The following FHAD1 variants were observed in gnomAD, a reference collection of about 807,000 sequenced individuals.
FHAD1 encodes forkhead-associated domain-containing protein 1.
In FHAD1, 146 loss-of-function variants were observed where a neutral mutation model predicts 191.3. The ratio of observed to expected loss-of-function variants is 0.76; its 90% CI spans 0.67 to 0.88. The LOEUF (loss-of-function observed/expected upper bound fraction) is 0.88. Ranked by LOEUF, FHAD1 falls within the 40% of genes least tolerant of loss-of-function variation. FHAD1 has a pLI of 0.00. For missense variants in FHAD1, 1,635 were observed against 1,785.8 expected, an observed-to-expected ratio of 0.92 and a Z score of 1.52; for synonymous variants, 616 against 672.3, an observed-to-expected ratio of 0.92 and a Z score of 1.29.
In FHAD1 at chr1:15,333,824, CTTTTTTTT is replaced by C. The variant is rs55698715; in HGVS notation, c.1906+4302_1906+4309del. 1.1e-3 allele frequency among the ~76,000 whole-genome samples: 69 copies of C among 64,812 alleles called. 1 individual carries two copies. The highest frequency in any genetic ancestry group is 3.9e-3 in the South Asian group (5 of 1,294). The allele number at this position is 64,812 out of a possible 152,430, so 42.5% of individuals were successfully genotyped here. Reference sequence around the variant, plus strand: ...TGATTACCATCTTTATTTTATTTATCTTTTTTTTTTTTTTTTTTTTTTTTTTGAGTAAA... The same window carrying C: ...TGATTACCATCTTTATTTTATTTATCTTTTTTTTTTTTTTTTTTGAGTAAA... On this transcript the variant is annotated intron_variant, in intron 14 of 33. Coordinates refer to ENST00000688493, the MANE Select transcript of FHAD1 (RefSeq NM_001391957.1).
intron 26 of FHAD1, among the ~76,000 whole-genome samples, chr1:15,372,547 C>G (rs1698419623): frequency 6.6e-6 from 1 of 152,172 alleles, no homozygotes; most frequent in South Asian, 2.1e-4. Flanking sequence ...CTGCCTGCTC[C>G]CTGATCTCAC....
At chr1:15,385,868 G>C (rs1371634573) in intron 31 of FHAD1, among the ~76,000 whole-genome samples, 2 of 152,230 alleles carry the variant, frequency 1.3e-5, no homozygotes, top group African/African-American at 4.8e-5. Context: ...CCTCAGTGCT[G>C]GTCATTCACA....
At chr1:15,269,038 A>C (rs6679212) in intron 2 of FHAD1, among the ~76,000 whole-genome samples, 13,155 of 152,022 alleles carry the variant, frequency 0.087, 1,152 homozygotes, top group East Asian at 0.25. Context: ...TTCATGTCTG[A>C]TATCAATAAT....
intron 28 of FHAD1, among the ~76,000 whole-genome samples, chr1:15,378,745 G>T (rs1700217188): frequency 6.6e-6 from 1 of 151,994 alleles, no homozygotes; most frequent in Non-Finnish European, 1.5e-5. Flanking sequence ...TTTGTGAATG[G>T]GTTTTTTGTT....
In FHAD1 at chr1:15,369,510, C is replaced by A. The variant is rs1192934068; in HGVS notation, c.3447+8C>A. 33 of 1,551,530 alleles carry A rather than the reference C, an allele frequency of 2.1e-5. No individual in the cohort carries two copies. Among genetic ancestry groups the A allele is most frequent in the Non-Finnish European group, 2.8e-5 (32 of 1,146,972 alleles). ...TTCTCCAGCAGCCAAGAGGTGAGTG[C>A]CACCCACTCCTGGGTACTGGAAGGA... On this transcript the variant is annotated splice_region_variant and intron_variant, in intron 26 of 33. Transcript: ENST00000688493.
In FHAD1 at chr1:15,369,402, A is replaced by T. The variant is rs1466633428; in HGVS notation, c.3347A>T (p.Asn1116Ile). ...CAAGAGAAACACAGACTCCAGCTGAACACAGAGAAGGAACAGAAGCCCCGG... is the reference window on the plus strand; with the variant it reads ...CAAGAGAAACACAGACTCCAGCTGATCACAGAGAAGGAACAGAAGCCCCGG... ...ASQEKHRLQL[N>I]TEKEQKPRKK... is the part of the protein sequence containing the mutation. Residue 1116 changes from asparagine to isoleucine, a missense_variant, in exon 26 of 34, where the codon AAC (asparagine) becomes ATC (isoleucine). Physicochemically the swap from Asn to Ile is moderately radical, Grantham distance 149. Coordinates refer to ENST00000688493, the MANE Select transcript of FHAD1 (RefSeq NM_001391957.1). The T allele has an allele frequency of 6.4e-7, 1 of 1,552,022 alleles. No individual in the cohort carries two copies. The highest frequency in any genetic ancestry group is 1.4e-5 in the African/African-American group (1 of 73,174).
At chr1:15,347,695 T>C (rs566556576) in intron 18 of FHAD1, among the ~76,000 whole-genome samples, 2 of 152,326 alleles carry the variant, frequency 1.3e-5, no homozygotes, top group East Asian at 3.9e-4. Context: ...GTGATCTGCC[T>C]GCCTTGGCCT....
chr1:15,294,074 C>A (rs1358094739), intron 4 of FHAD1, among the ~76,000 whole-genome samples: 8 of 152,188 alleles, frequency 5.3e-5, no homozygotes. Context: ...GGGCTTCCAT[C>A]TTCCTGTAGT....
At chr1:15,320,129 A>T (rs1675792883) in intron 10 of FHAD1, among the ~76,000 whole-genome samples, 1 of 152,104 alleles carries the variant, frequency 6.6e-6, no homozygotes, top group Non-Finnish European at 1.5e-5. Context: ...TATGCAGCTT[A>T]TTTCCTAATT....
chr1:15,367,526 G>T lies in FHAD1; in HGVS notation c.3218G>T (p.Ser1073Ile). The change falls in exon 25 of 34, where the codon AGC becomes ATC. Residue 1073 changes from serine to isoleucine, a missense_variant. Coordinates refer to ENST00000688493, the MANE Select transcript of FHAD1 (RefSeq NM_001391957.1). ...EQNVVLVQQQSKELSVLKEKM... is the reference protein window; with the variant it reads ...EQNVVLVQQQIKELSVLKEKM... ...AACGTGGTGCTGGTCCAGCAGCAGAGCAAGGAGCTGAGTGTGCTCAAGGAG... is the reference window on the plus strand; with the variant it reads ...AACGTGGTGCTGGTCCAGCAGCAGATCAAGGAGCTGAGTGTGCTCAAGGAG... The T allele has an allele frequency of 6.5e-7, 1 of 1,549,920 alleles. No individual in the cohort carries two copies. Among genetic ancestry groups the T allele is most frequent in the Non-Finnish European group, 8.7e-7 (1 of 1,146,288 alleles).
chr1:15,383,093 C>A (rs1267674475), intron 31 of FHAD1: 2 of 471,652 alleles, frequency 4.2e-6, no homozygotes, highest in Non-Finnish European at 8.8e-6. Context: ...AATCCCCGCA[C>A]TTATTAACTG....
At chr1:15,375,180 T>C (rs1037315399) in intron 27 of FHAD1, among the ~76,000 whole-genome samples, 1 of 152,190 alleles carries the variant, frequency 6.6e-6, no homozygotes, top group Admixed American at 6.5e-5. Context: ...TCATGGTGGC[T>C]GGGTGAGAAC....
chr1:15,362,566 A>G (rs1695150775), intron 22 of FHAD1, 76 bp from the exon 23 acceptor site: 3 of 1,222,976 alleles, frequency 2.5e-6, no homozygotes, highest in Non-Finnish European at 3.5e-6. Context: ...GTAAGTTGTG[A>G]AAGACACAGG....
chr1:15,293,448 G>A (rs771576405), intron 4 of FHAD1, among the ~76,000 whole-genome samples: 7 of 152,108 alleles, frequency 4.6e-5, no homozygotes, highest in Non-Finnish European at 5.9e-5. Context: ...GGCCAGGCGC[G>A]GTGGCTCATG....
intron 2 of FHAD1, among the ~76,000 whole-genome samples, chr1:15,254,052 G>T (rs1459975426): frequency 6.6e-6 from 1 of 152,096 alleles, no homozygotes; most frequent in Non-Finnish European, 1.5e-5. Context: ...CTTCCTTTGA[G>T]ATTCTCATCC....
chr1:15,383,728 C>T (rs1701448787), intron 31 of FHAD1: 2 of 309,854 alleles, frequency 6.5e-6, no homozygotes, highest in Admixed American at 4.1e-5. Flanking sequence ...GGACTGGGCT[C>T]ACCTGAGCTT....
intron 4 of FHAD1, among the ~76,000 whole-genome samples, chr1:15,294,249 T>C (rs1666137501): frequency 6.6e-6 from 1 of 152,070 alleles, no homozygotes; most frequent in Admixed American, 6.5e-5. Flanking sequence ...AACAAAATGG[T>C]TTTGCCTTTA....
At chr1:15,353,053 C>G in intron 20 of FHAD1, 69 bp downstream of exon 20, 1 of 1,210,038 alleles carries the variant, frequency 8.3e-7, no homozygotes, top group South Asian at 1.3e-5. Flanking sequence ...TAGAGCCAGG[C>G]TCTGGGTTCA....
chr1:15,364,514 G>T (rs551546695), intron 23 of FHAD1, among the ~76,000 whole-genome samples: 2 of 152,278 alleles, frequency 1.3e-5, no homozygotes, highest in South Asian at 4.2e-4. Flanking sequence ...GGAGGCTGAG[G>T]CAGGAGAATC....
Sources: gnomAD v4.1 joint callset for allele counts (sites outside exome capture counted in the v4.1 genomes callset) on GRCh38, gnomAD v4.1.1 for gene constraint, MANE v1.5 for transcripts, NCBI Gene and HGNC (gene_info 2026-07-23, HGNC 2026-07-21) for gene names.